Variants in DROSHA observed in about 807,000 individuals in gnomAD.
DROSHA encodes the protein ribonuclease 3.
In DROSHA, 56 loss-of-function variants were observed where a neutral mutation model predicts 181.9. That is an observed-to-expected ratio of 0.31 (90% confidence interval 0.25 to 0.38). The LOEUF (loss-of-function observed/expected upper bound fraction) is 0.38. Ranked by LOEUF, DROSHA falls within the 10% of genes least tolerant of loss-of-function variation. The probability of loss-of-function intolerance (pLI) is 1.00; values close to 1 mark genes in which losing one functional copy is unlikely to be tolerated. For synonymous variants in DROSHA, 524 were observed against 591.2 expected (o/e 0.89, Z 1.65); for missense variants, 1,218 against 1,743.5 (o/e 0.70, Z 5.37).
At chr5:31,443,337 T>C (rs1209657746) in intron 23 of DROSHA, among the ~76,000 whole-genome samples, 2 of 151,938 alleles carry the variant, frequency 1.3e-5, no homozygotes, top group African/African-American at 2.4e-5. Flanking sequence ...ATGCATTATA[T>C]GTAGCAATGA....
chr5:31,466,813 T>C (rs1388898504), intron 18 of DROSHA, among the ~76,000 whole-genome samples: 1 of 152,214 alleles, frequency 6.6e-6, no homozygotes, highest in Non-Finnish European at 1.5e-5. Flanking sequence ...AAAAGACTAA[T>C]GGTGTATACC....
chr5:31,486,307 A>G (rs564300662), intron 14 of DROSHA, among the ~76,000 whole-genome samples, 184 bp downstream of exon 14: 16 of 152,322 alleles, frequency 1.1e-4, no homozygotes, highest in Admixed American at 3.3e-4. Context: ...CAAGTTGAAA[A>G]TTGGCCTGAA....
At chr5:31,437,100 T>A in intron 24 of DROSHA, 139 bp downstream of exon 24, 1 of 921,058 alleles carries the variant, frequency 1.1e-6, no homozygotes, top group South Asian at 1.7e-5. Context: ...ACATGTGGCT[T>A]CTAAGCTCTA....
At chr5:31,479,312 T>A (rs1750753574) in intron 16 of DROSHA, among the ~76,000 whole-genome samples, 1 of 152,222 alleles carries the variant, frequency 6.6e-6, no homozygotes, top group African/African-American at 2.4e-5. Flanking sequence ...ATTGTTTGTA[T>A]ACACACACAT....
At chr5:31,461,626 C>T (rs938463889) in intron 20 of DROSHA, among the ~76,000 whole-genome samples, 5 of 152,080 alleles carry the variant, frequency 3.3e-5, no homozygotes, top group African/African-American at 1.2e-4. Flanking sequence ...CCAGTTCATT[C>T]TGGAACAAGG....
intron 3 of DROSHA, among the ~76,000 whole-genome samples, chr5:31,530,295 T>C (rs1300436179): frequency 6.6e-6 from 1 of 152,004 alleles, no homozygotes; most frequent in Non-Finnish European, 1.5e-5. Flanking sequence ...TCCTTATTAC[T>C]ATTATCCAGT....
intron 9 of DROSHA, among the ~76,000 whole-genome samples, chr5:31,509,724 C>T (rs1738442247): frequency 6.6e-6 from 1 of 152,138 alleles, no homozygotes. Context: ...AGGTGTTAGT[C>T]CTTAAAGTGA....
In DROSHA at chr5:31,526,630, A is replaced by G; in HGVS notation, c.303T>C (p.Pro101=). The change falls in exon 5 of 36, where the codon CCT becomes CCC. Residue 101 remains proline (P), a synonymous_variant. Coordinates refer to ENST00000344624, the MANE Select transcript of DROSHA (RefSeq NM_001382508.1). The part of the protein sequence containing the change: ...GPLPPCPIRP[P]FPNHQMRHPF... ...GGTGCCTCATCTGGTGGTTGGGGAA[A>G]GGCGGCCTGATTGGGCAGGGGGGAA... is the stretch of plus-strand genomic sequence containing the variant. The G allele has an allele frequency of 7.3e-7, 1 of 1,374,854 alleles. No homozygotes were observed. The highest frequency in any genetic ancestry group is 9.4e-7 in the Non-Finnish European group (1 of 1,064,794). 85.2% of individuals were successfully genotyped at this position (1,374,854 alleles called of 1,614,324 possible). A position where few individuals can be genotyped will look rare whatever the true frequency, so the allele number is the denominator to read the frequency against.
In DROSHA at chr5:31,514,596, G is replaced by T. The variant is rs1241271974; in HGVS notation, c.1290+392C>A. The stretch of plus-strand genomic sequence containing the variant: ...GAAGATCAAGGCTGCAGTGAGCCAC[G>T]ATGGTGCCACTGCACTCCAGCCTGG... On this transcript the variant is annotated intron_variant, in intron 8 of 35. Transcript: ENST00000344624. This position sits in a 1 kb window ranked among gnomAD's most constrained non-coding sequence, Gnocchi z 4.4. Among the ~76,000 whole-genome samples, 1 of 152,182 alleles carries T rather than the reference G, an allele frequency of 6.6e-6. No homozygotes were observed. Among genetic ancestry groups the T allele is most frequent in the Non-Finnish European group, 1.5e-5 (1 of 68,040 alleles).
At chr5:31,465,486 G>T (rs1025086968) in intron 19 of DROSHA, among the ~76,000 whole-genome samples, 15 of 152,110 alleles carry the variant, frequency 9.9e-5, no homozygotes, top group African/African-American at 3.1e-4. Context: ...AAGATAAAAG[G>T]CTGATTCAAC....
intron 14 of DROSHA, among the ~76,000 whole-genome samples, chr5:31,486,104 G>A (rs1443811221): frequency 6.6e-6 from 1 of 152,140 alleles, no homozygotes; most frequent in Non-Finnish European, 1.5e-5. Context: ...AATGAACCAA[G>A]CATTGATCTT....
At position 31,466,448 on chromosome 5, in the gene DROSHA, G is replaced by C. The variant is rs1749018063; in HGVS notation, c.2367-167C>G. 40 of 585,464 alleles carry C rather than the reference G, an allele frequency of 6.8e-5. No individual in the cohort carries two copies. The South Asian group carries it at 8.3e-4, about 12-fold the overall frequency. 36.3% of individuals were successfully genotyped at this position (585,464 alleles called of 1,614,324 possible). A position where few individuals can be genotyped will look rare whatever the true frequency, so the allele number is the denominator to read the frequency against. On this transcript the variant is annotated intron_variant, in intron 18 of 35. Transcript: ENST00000344624. ...AGGAAGGCTATGACTTTGAGGCTGAGAGTCAGGATGGACAAGAGTCAACTG... is the reference window on the plus strand; with the variant it reads ...AGGAAGGCTATGACTTTGAGGCTGACAGTCAGGATGGACAAGAGTCAACTG...
chr5:31,511,104 T>C lies in DROSHA; in HGVS notation c.1363A>G (p.Arg455Gly). ...YDKFEEELGS[R>G]QEKAKAARPP... The stretch of plus-strand genomic sequence containing the variant: ...CGAGCAGCTTTGGCCTTTTCTTGCC[T>C]GCTCCCCAACTCCTCCTCAAATTTG... Residue 455 changes from arginine to glycine, a missense_variant, in exon 9 of 36, where the codon AGG becomes GGG. Around this residue, in one of 8 missense-constraint regions of DROSHA, gnomAD observed 460 missense variants for 774.2 expected, o/e 0.59. Transcript: ENST00000344624. 1.2e-6 allele frequency: 2 copies of C among 1,613,908 alleles called. No individual in the cohort carries two copies. Among genetic ancestry groups the C allele is most frequent in the South Asian group, 1.1e-5 (1 of 91,072 alleles).
chr5:31,482,156 G>A (rs1210851117), intron 16 of DROSHA, among the ~76,000 whole-genome samples: 1 of 152,204 alleles, frequency 6.6e-6, no homozygotes, highest in Non-Finnish European at 1.5e-5. Context: ...CTGATATTGG[G>A]TGGAAAGGTT....
intron 33 of DROSHA, among the ~76,000 whole-genome samples, chr5:31,407,729 A>G (rs941513214): frequency 6.6e-6 from 1 of 152,204 alleles, no homozygotes; most frequent in Non-Finnish European, 1.5e-5. Flanking sequence ...AGAAGGGAGC[A>G]TAGCAATTTC....
chr5:31,497,325 T>G (rs903779490), intron 11 of DROSHA, among the ~76,000 whole-genome samples: 8 of 152,190 alleles, frequency 5.3e-5, no homozygotes, highest in Non-Finnish European at 1.0e-4. Flanking sequence ...ACCTAAGACT[T>G]CCTGGCCTAT....
intron 11 of DROSHA, among the ~76,000 whole-genome samples, chr5:31,501,457 G>A (rs1211081678): frequency 2.0e-5 from 3 of 151,870 alleles, no homozygotes; most frequent in Non-Finnish European, 4.4e-5. Flanking sequence ...AAGCAGAAAC[G>A]AAATTACCAC....
At position 31,495,357 on chromosome 5, in the gene DROSHA, G is replaced by A; in HGVS notation, c.1684C>T (p.Arg562Cys). The change falls in exon 12 of 36, where the codon CGT becomes TGT. Residue 562 changes from arginine (R) to cysteine (C), a missense_variant. By Grantham distance (180) the Arg-to-Cys change is radical. Coordinates refer to ENST00000344624, the MANE Select transcript of DROSHA (RefSeq NM_001382508.1). ...CTGCCAGCATTGTTGGTCATAGGAC[G>A]ACAGGGCTTGATGGCCTGAGGGGAA... ...YPGEEAIKPC[R>C]PMTNNAGRLF... 4 of 1,613,712 alleles carry A rather than the reference G, an allele frequency of 2.5e-6. No homozygotes were observed. The highest frequency in any genetic ancestry group is 1.3e-5 in the African/African-American group (1 of 75,036).
At chr5:31,502,799 C>T (rs988848534) in intron 11 of DROSHA, among the ~76,000 whole-genome samples, 34 of 152,220 alleles carry the variant, frequency 2.2e-4, no homozygotes, top group African/African-American at 7.7e-4. Flanking sequence ...TACAGCCTCA[C>T]TCTGGGATGG....
Sources: gnomAD v4.1 joint callset for allele counts (sites outside exome capture counted in the v4.1 genomes callset) on GRCh38, gnomAD v4.1.1 for gene constraint, gnomAD v4.1.1 regional missense constraint, Gnocchi (gnomAD v3.1) non-coding constraint, MANE v1.5 for transcripts, NCBI Gene and HGNC (gene_info 2026-07-23, HGNC 2026-07-21) for gene names.